The following CPN2 variants were observed in gnomAD, a reference collection of about 807,000 sequenced individuals.
The protein encoded by CPN2 is carboxypeptidase N 83 kDa chain.
For synonymous variants in CPN2, 336 were observed against 318.4 expected (o/e 1.06, Z -0.59); for missense variants, 620 against 671.4 (o/e 0.92, Z 0.85).
At chr3:194,350,585 G>A (rs752550872) in intron 1 of CPN2, among the ~76,000 whole-genome samples, 3 of 152,088 alleles carry the variant, frequency 2.0e-5, no homozygotes, top group African/African-American at 7.2e-5. Flanking sequence ...TTAACACAGC[G>A]CCTGGCACAT....
Position 194,341,252 on chromosome 3 carries a change from C to T in CPN2, c.1451G>A (p.Ser484Asn), listed in dbSNP as rs1712801327. The T allele has an allele frequency of 6.2e-7, 1 of 1,613,510 alleles. No individual in the cohort carries two copies. The highest frequency in any genetic ancestry group is 8.5e-7 in the Non-Finnish European group (1 of 1,179,952). The change falls in exon 2 of 2, where the codon AGC (serine) becomes AAC (asparagine). Residue 484 changes from serine (S) to asparagine (N), a missense_variant. Transcript: ENST00000323830. ...ERAARSQCTY[S>N]NPEGTVVLAC... ...GAGCACCACGGTGCCCTCGGGGTTG[C>T]TGTAGGTGCACTGGCTCCGGGCTGC...
rs986160108 is a variant in CPN2 at position 194,340,443 on chromosome 3, G to C, written c.*622C>G. On this transcript the variant is annotated 3_prime_UTR_variant, in exon 2 of 2. Coordinates refer to ENST00000323830, the MANE Select transcript of CPN2 (RefSeq NM_001080513.4). Reference sequence around the variant, plus strand: ...GATGAGAATTTATGATTTGTAAGGCGCGACTCCCTAGACCCCTTAGGTAGG... The same window carrying C: ...GATGAGAATTTATGATTTGTAAGGCCCGACTCCCTAGACCCCTTAGGTAGG... 2 of 152,186 alleles carry C rather than the reference G, an allele frequency of 1.3e-5. No homozygotes were observed. Among genetic ancestry groups the C allele is most frequent in the East Asian group, 1.9e-4 (1 of 5,194 alleles). The allele number at this position is 152,186 out of a possible 1,614,324, so 9.4% of individuals were successfully genotyped here.
At chr3:194,347,072 C>G (rs1214500596) in intron 1 of CPN2, among the ~76,000 whole-genome samples, 1 of 152,188 alleles carries the variant, frequency 6.6e-6, no homozygotes, top group African/African-American at 2.4e-5. Flanking sequence ...GGGAGGCTGG[C>G]CCCCAGGGCC....
In CPN2 at chr3:194,351,324, A is replaced by C. The variant is rs1413774157; in HGVS notation, c.-86T>G. On this transcript the variant is annotated 5_prime_UTR_variant, in exon 1 of 2. It adds an upstream start codon to the 5' untranslated region. Transcript: ENST00000323830. ...GTCTGGTGTGGCCTGTGGTCAGCTC[A>C]ATCCAGCCCCAGCGCTGATCAAAGT... is the stretch of plus-strand genomic sequence containing the variant. The C allele has an allele frequency of 6.6e-6, 1 of 152,310 alleles. No individual in the cohort carries two copies. Among genetic ancestry groups the C allele is most frequent in the Non-Finnish European group, 1.5e-5 (1 of 68,126 alleles). The allele number at this position is 152,310 out of a possible 1,614,324, so 9.4% of individuals were successfully genotyped here. A position where few individuals can be genotyped will look rare whatever the true frequency, so the allele number is the denominator to read the frequency against.
Position 194,342,247 on chromosome 3 carries a change from C to G in CPN2, c.456G>C (p.Leu152=). ...GCAGGGCCTGGAGCTGGTTCCCCTG[C>G]AGGTGGAGGGACTCCAGGGCAGCCA... is the stretch of plus-strand genomic sequence containing the variant. ...QHLAALESLH[L]QGNQLQALPR... Residue 152 remains leucine (L), a synonymous_variant, in exon 2 of 2, where the codon CTG becomes CTC. Transcript: ENST00000323830. 1.9e-6 allele frequency: 3 copies of G among 1,613,942 alleles called. No individual in the cohort carries two copies. Among genetic ancestry groups the G allele is most frequent in the Non-Finnish European group, 2.5e-6 (3 of 1,179,928 alleles).
intron 1 of CPN2, among the ~76,000 whole-genome samples, chr3:194,345,185 A>G (rs909306870): frequency 6.6e-6 from 1 of 152,176 alleles, no homozygotes; most frequent in Non-Finnish European, 1.5e-5. Flanking sequence ...GTTTTGTTGA[A>G]TGGAGCTCTC....
At position 194,340,406 on chromosome 3, in the gene CPN2, T is replaced by A. The variant is rs564959854; in HGVS notation, c.*659A>T. On this transcript the variant is annotated 3_prime_UTR_variant, in exon 2 of 2. Transcript: ENST00000323830. ...ATAAGTCATGATATACAGGGTCAAA[T>A]AAAACCCATCTGATGAGAATTTATG... 52 of 152,334 alleles carry A rather than the reference T, an allele frequency of 3.4e-4. No individual in the cohort carries two copies. Among genetic ancestry groups the A allele is most frequent in the African/African-American group, 1.3e-3 (52 of 41,544 alleles). The allele number at this position is 152,334 out of a possible 1,614,324, so 9.4% of individuals were successfully genotyped here.
Position 194,342,153 on chromosome 3 carries a change from G to GCTGGGCCAGGAGGTT in CPN2, c.535_549dup (p.Asn179_Gln183dup), listed in dbSNP as rs1180320817. On this transcript the variant is annotated inframe_insertion, in exon 2 of 2. Coordinates refer to ENST00000323830, the MANE Select transcript of CPN2 (RefSeq NM_001080513.4). ...AGTGGGTGGAACAGCTCCTCCGGGA[G>GCTGGGCCAGGAGGTT]CTGGGCCAGGAGGTTCTGGGCCAGG... The GCTGGGCCAGGAGGTT allele has an allele frequency of 6.2e-7, 1 of 1,614,032 alleles. No individual in the cohort carries two copies. Among genetic ancestry groups the GCTGGGCCAGGAGGTT allele is most frequent in the African/African-American group, 1.3e-5 (1 of 74,940 alleles).
rs1241375599 is a variant in CPN2 at position 194,342,166 on chromosome 3, G to T, written c.537C>A (p.Asn179Lys). 1.2e-6 allele frequency: 2 copies of T among 1,614,104 alleles called. No individual in the cohort carries two copies. The highest frequency in any genetic ancestry group is 1.7e-6 in the Non-Finnish European group (2 of 1,179,984). The change falls in exon 2 of 2, where the codon AAC becomes AAA. Residue 179 changes from asparagine (N) to lysine (K), a missense_variant. By Grantham distance (94) the Asn-to-Lys change is moderately conservative. Coordinates refer to ENST00000323830, the MANE Select transcript of CPN2 (RefSeq NM_001080513.4). The part of the protein sequence containing the change: ...THLKTLNLAQ[N>K]LLAQLPEELF... ...GCTCCTCCGGGAGCTGGGCCAGGAG[G>T]TTCTGGGCCAGGTTGAGTGTCTTCA...
intron 1 of CPN2, among the ~76,000 whole-genome samples, chr3:194,343,593 T>C (rs565284537): frequency 6.6e-6 from 1 of 152,340 alleles, no homozygotes; most frequent in African/African-American, 2.4e-5. Context: ...ACTGTTCCCA[T>C]GCAGAGCACT....
In CPN2 at chr3:194,341,535, G is replaced by A. The variant is rs1576987996; in HGVS notation, c.1168C>T (p.Leu390=). 6.2e-7 allele frequency: 1 copy of A among 1,614,254 alleles called. No individual in the cohort carries two copies. The highest frequency in any genetic ancestry group is 8.5e-7 in the Non-Finnish European group (1 of 1,180,042). ...IFDTNYNLFN[L]ALHGNPWQCD... Reference sequence around the variant, plus strand: ...TGCCAGGGGTTACCGTGCAGGGCCAGGTTGAACAGGTTGTAGTTGGTGTCG... The same window carrying A: ...TGCCAGGGGTTACCGTGCAGGGCCAAGTTGAACAGGTTGTAGTTGGTGTCG... Residue 390 remains leucine (L), a synonymous_variant, in exon 2 of 2, where the codon CTG becomes TTG. Coordinates refer to ENST00000323830, the MANE Select transcript of CPN2 (RefSeq NM_001080513.4).
chr3:194,350,930 G>A lies in CPN2; in HGVS notation c.-4+312C>T, dbSNP rs1713243766. Among the ~76,000 whole-genome samples, 3 of 152,206 alleles carry A rather than the reference G, an allele frequency of 2.0e-5. No individual in the cohort carries two copies. The South Asian group carries it at 6.2e-4, about 32-fold the overall frequency. ...TATTATTATTATGCCAAGATGACAA[G>A]TATAAACTAGGCAGAACCAGGCCAA... On this transcript the variant is annotated intron_variant, in intron 1 of 1. Coordinates refer to ENST00000323830, the MANE Select transcript of CPN2 (RefSeq NM_001080513.4).
chr3:194,340,910 G>C lies in CPN2; in HGVS notation c.*155C>G. ...GAGGAGGAGGAGACCCTGGTTAGTGGAGCAGACCAGACTCCACCCCCTCAC... is the reference window on the plus strand; with the variant it reads ...GAGGAGGAGGAGACCCTGGTTAGTGCAGCAGACCAGACTCCACCCCCTCAC... On this transcript the variant is annotated 3_prime_UTR_variant, in exon 2 of 2. Coordinates refer to ENST00000323830, the MANE Select transcript of CPN2 (RefSeq NM_001080513.4). 2 of 1,192,418 alleles carry C rather than the reference G, an allele frequency of 1.7e-6. No homozygotes were observed. The highest frequency in any genetic ancestry group is 3.4e-5 in the South Asian group (2 of 59,244). The allele number at this position is 1,192,418 out of a possible 1,614,324, so 73.9% of individuals were successfully genotyped here.
At chr3:194,350,957 C>G (rs1713244382) in intron 1 of CPN2, among the ~76,000 whole-genome samples, 1 of 152,108 alleles carries the variant, frequency 6.6e-6, no homozygotes, top group Non-Finnish European at 1.5e-5. Flanking sequence ...CCAGGCCAAC[C>G]TGGACATCTG....
At position 194,342,607 on chromosome 3, in the gene CPN2, C is replaced by T. The variant is rs1464745716; in HGVS notation, c.96G>A (p.Glu32=). The T allele has an allele frequency of 1.2e-6, 2 of 1,614,054 alleles. No individual in the cohort carries two copies. Among genetic ancestry groups the T allele is most frequent in the Admixed American group, 1.7e-5 (1 of 60,032 alleles). Residue 32 remains glutamate (E), a synonymous_variant, in exon 2 of 2, where the codon GAG becomes GAA. Transcript: ENST00000323830. The part of the protein sequence containing the change: ...CPMGCDCFVQ[E]VFCSDEELAT... ...CAAGCTCCTCATCTGAGCAGAACAC[C>T]TCCTGGACGAAGCAGTCACAACCCA... is the stretch of plus-strand genomic sequence containing the variant.
intron 1 of CPN2, 21 bp from the exon 2 acceptor site, chr3:194,342,726 A>G (rs1284549497): frequency 9.7e-7 from 1 of 1,026,248 alleles, no homozygotes; most frequent in Non-Finnish European, 1.5e-6. Flanking sequence ...GGAGGGAGAG[A>G]GAACAGGAAG....
At chr3:194,346,410 C>T (rs1713048407) in intron 1 of CPN2, among the ~76,000 whole-genome samples, 1 of 152,198 alleles carries the variant, frequency 6.6e-6, no homozygotes, top group Admixed American at 6.5e-5. Context: ...GGGCAAGACC[C>T]CTCTTGCCTG....
In CPN2 at chr3:194,342,364, G is replaced by C; in HGVS notation, c.339C>G (p.Ser113Arg). 1 of 1,614,184 alleles carries C rather than the reference G, an allele frequency of 6.2e-7. No individual in the cohort carries two copies. Among genetic ancestry groups the C allele is most frequent in the Non-Finnish European group, 8.5e-7 (1 of 1,180,044 alleles). The change falls in exon 2 of 2, where the codon AGC (serine) becomes AGG (arginine). Residue 113 changes from serine (S) to arginine (R), a missense_variant. Transcript: ENST00000323830. ...AGGTCAGGTTGGAGAAGATGTTGGT[G>C]CTGAGGTTCAAGAAGCTACTGCCTG... is the stretch of plus-strand genomic sequence containing the variant. The part of the protein sequence containing the change: ...EVTGSSFLNL[S>R]TNIFSNLTSL...
chr3:194,342,692 C>G lies in CPN2; in HGVS notation c.11G>C (p.Gly4Ala), dbSNP rs1712903006. The G allele has an allele frequency of 2.1e-6, 3 of 1,413,982 alleles. No individual in the cohort carries two copies. Among genetic ancestry groups the G allele is most frequent in the Non-Finnish European group, 3.0e-6 (3 of 1,015,728 alleles). The allele number at this position is 1,413,982 out of a possible 1,614,324, so 87.6% of individuals were successfully genotyped here. Residue 4 changes from glycine to alanine, a missense_variant, in exon 2 of 2, where the codon GGA (glycine) becomes GCA (alanine). Coordinates refer to ENST00000323830, the MANE Select transcript of CPN2 (RefSeq NM_001080513.4). MLP[G>A]AWLLWTSLLL... ...GAGGGAGGTCCAGAGCAGCCAGGCT[C>G]CAGGGAGCATCTTCTAGATTCGAGG...
Sources: allele counts gnomAD v4.1 joint callset (sites outside exome capture counted in the v4.1 genomes callset), GRCh38; gene constraint gnomAD v4.1.1; transcripts MANE v1.5; gene names NCBI Gene and HGNC (gene_info 2026-07-23, HGNC 2026-07-21).